PHLPP1: variants seen among roughly 807,000 people sequenced by gnomAD.
PHLPP1 encodes PH domain and leucine rich repeat protein phosphatase 1, also known as PH domain leucine-rich repeat-containing protein phosphatase 1.
In PHLPP1, 42 loss-of-function variants were observed where a neutral mutation model predicts 117.2. The ratio of observed to expected loss-of-function variants is 0.36; its 90% CI spans 0.28 to 0.46. The LOEUF (loss-of-function observed/expected upper bound fraction) is 0.46, where lower values mean the gene tolerates loss of function less well. Among genes scored for constraint, PHLPP1 ranks in the 20% least tolerant of loss-of-function variants. The pLI is 1.00. For synonymous variants in PHLPP1, 1,042 were observed against 970.7 expected (o/e 1.07, Z -1.37); for missense variants, 2,084 against 2,241.9 (o/e 0.93, Z 1.42).
intron 1 of PHLPP1, among the ~76,000 whole-genome samples, chr18:62,737,691 A>C (rs1911409624): frequency 1.3e-5 from 2 of 152,036 alleles, no homozygotes; most frequent in South Asian, 4.2e-4. Flanking sequence ...GGAGGTAATC[A>C]CCTCTGCTGC....
chr18:62,754,793 T>C (rs1911961706), intron 1 of PHLPP1, among the ~76,000 whole-genome samples: 1 of 152,222 alleles, frequency 6.6e-6, no homozygotes, highest in Non-Finnish European at 1.5e-5. Flanking sequence ...GAGGATGTAA[T>C]GTTCACGGCG....
intron 10 of PHLPP1, among the ~76,000 whole-genome samples, chr18:62,931,984 G>A (rs1458638546): frequency 6.6e-6 from 1 of 151,640 alleles, no homozygotes; most frequent in African/African-American, 2.4e-5. Flanking sequence ...AGAGAGTACT[G>A]CAAATATCTC....
At chr18:62,915,602 C>T (rs1162972311) in intron 9 of PHLPP1, among the ~76,000 whole-genome samples, 1 of 152,148 alleles carries the variant, frequency 6.6e-6, no homozygotes, top group Non-Finnish European at 1.5e-5. Context: ...GCGATGACTT[C>T]TATTGTCTGT....
At chr18:62,723,357 T>G (rs1910978169) in intron 1 of PHLPP1, among the ~76,000 whole-genome samples, 1 of 152,256 alleles carries the variant, frequency 6.6e-6, no homozygotes, top group Admixed American at 6.5e-5. Context: ...AGCATTCAGT[T>G]GAAGACTGAT....
intron 1 of PHLPP1, among the ~76,000 whole-genome samples, chr18:62,829,328 T>A (rs1344068771): frequency 6.6e-6 from 1 of 152,258 alleles, no homozygotes; most frequent in African/African-American, 2.4e-5. Context: ...TTATTAAATG[T>A]AAGATGTTGG....
chr18:62,742,529 G>A (rs1242721666), intron 1 of PHLPP1, among the ~76,000 whole-genome samples: 1 of 152,022 alleles, frequency 6.6e-6, no homozygotes, highest in Admixed American at 6.5e-5. Flanking sequence ...TCCGCCTCCC[G>A]GGTTCAAGCG....
intron 1 of PHLPP1, among the ~76,000 whole-genome samples, chr18:62,789,930 T>A (rs545738771): frequency 6.6e-6 from 1 of 152,318 alleles, no homozygotes; most frequent in South Asian, 2.1e-4. Context: ...GATAGGTCAT[T>A]TATCGCAGTT....
At chr18:62,791,053 T>G (rs961705790) in intron 1 of PHLPP1, among the ~76,000 whole-genome samples, 1 of 152,134 alleles carries the variant, frequency 6.6e-6, no homozygotes, top group East Asian at 1.9e-4. Context: ...GGCCGGAGCT[T>G]GGACTTAAAG....
At chr18:62,838,704 G>C (rs920335539) in intron 2 of PHLPP1, 80 bp from the exon 3 acceptor site, 1 of 1,419,130 alleles carries the variant, frequency 7.0e-7, no homozygotes, top group Non-Finnish European at 9.9e-7. Flanking sequence ...CAGGCTCCTT[G>C]ATCAGAGGCA....
At position 62,783,553 on chromosome 18, in the gene PHLPP1, T is replaced by G. The variant is rs1226473449; in HGVS notation, c.1577-46482T>G. 5.3e-5 allele frequency among the ~76,000 whole-genome samples: 8 copies of G among 152,338 alleles called. No homozygotes were observed. In the East Asian group the frequency reaches 1.5e-3, roughly 29 times the overall value. On this transcript the variant is annotated intron_variant, in intron 1 of 16. Coordinates refer to ENST00000262719, the MANE Select transcript of PHLPP1 (RefSeq NM_194449.4). ...CACAAGCCTTTCAATAAATGCTATA[T>G]TGTAATGGTTATTGTAACAAGAAGC...
At chr18:62,964,023 T>C (rs1910838828) in intron 14 of PHLPP1, among the ~76,000 whole-genome samples, 1 of 152,066 alleles carries the variant, frequency 6.6e-6, no homozygotes, top group South Asian at 2.1e-4. Context: ...TTCCCCACCC[T>C]TCCCTCTCTT....
intron 1 of PHLPP1, among the ~76,000 whole-genome samples, chr18:62,814,469 G>C (rs776090708): frequency 2.6e-5 from 4 of 152,206 alleles, no homozygotes; most frequent in Non-Finnish European, 4.4e-5. Context: ...CCCTAGGCAA[G>C]TAATTTAATT....
At position 62,831,381 on chromosome 18, in the gene PHLPP1, A is replaced by G. The variant is rs938451577; in HGVS notation, c.1773+1150A>G. Among the ~76,000 whole-genome samples the G allele has an allele frequency of 2.0e-5, 3 of 149,388 alleles. No individual in the cohort carries two copies. The East Asian group carries it at 5.9e-4, about 29-fold the overall frequency. ...GAGATGGAGTCTTGCTCTGTTTCCC[A>G]GGCTGGAGTGTGGTGGTGCAATCCC... On this transcript the variant is annotated intron_variant, in intron 2 of 16. Transcript: ENST00000262719.
At chr18:62,892,427 A>G (rs943838523) in intron 4 of PHLPP1, among the ~76,000 whole-genome samples, 2 of 151,868 alleles carry the variant, frequency 1.3e-5, no homozygotes, top group African/African-American at 4.8e-5. Flanking sequence ...ATCTTTTAAT[A>G]TCTGGCTGGA....
In PHLPP1 at chr18:62,716,059, C is replaced by T; in HGVS notation, c.376C>T (p.Leu126=). The T allele has an allele frequency of 1.4e-6, 2 of 1,479,062 alleles. No individual in the cohort carries two copies. Among genetic ancestry groups the T allele is most frequent in the Non-Finnish European group, 1.8e-6 (2 of 1,124,164 alleles). 91.6% of individuals were successfully genotyped at this position (1,479,062 alleles called of 1,614,324 possible). ...ANSLLLRRGR[L]KRNLSAAAAA... ...CTCCCTCCTGCTGAGGAGAGGGCGG[C>T]TGAAGAGGAATCTGTCCGCGGCCGC... is the stretch of plus-strand genomic sequence containing the variant. The change falls in exon 1 of 17, where the codon CTG becomes TTG. Residue 126 remains leucine, a synonymous_variant. Transcript: ENST00000262719. This position sits in a 1 kb window ranked among gnomAD's most constrained non-coding sequence, Gnocchi z 5.7.
chr18:62,917,903 G>A (rs961983973), intron 9 of PHLPP1, among the ~76,000 whole-genome samples: 3 of 151,880 alleles, frequency 2.0e-5, no homozygotes, highest in Non-Finnish European at 2.9e-5. Flanking sequence ...TCCAAGTAAG[G>A]TATATAAAGA....
intron 1 of PHLPP1, among the ~76,000 whole-genome samples, chr18:62,799,209 A>C (rs1192303830): frequency 2.0e-5 from 3 of 152,212 alleles, no homozygotes; most frequent in African/African-American, 7.2e-5. Context: ...TATAAAATGG[A>C]CAATGAAAGG....
rs1479159460 is a variant in PHLPP1 at position 62,895,297 on chromosome 18, T to G, written c.2213+140T>G. On this transcript the variant is annotated intron_variant, in intron 5 of 16. Transcript: ENST00000262719. ...CCAAATCAAGAGATCAGGGACTATG[T>G]AGTCCGTATGGAGTTCATATGTTGG... The G allele has an allele frequency of 5.2e-6, 4 of 769,726 alleles. No individual in the cohort carries two copies. In the East Asian group the frequency reaches 1.1e-4, roughly 20 times the overall value. 47.7% of individuals were successfully genotyped at this position (769,726 alleles called of 1,614,324 possible).
At chr18:62,890,469 T>C (rs1916379941) in intron 4 of PHLPP1, among the ~76,000 whole-genome samples, 1 of 152,158 alleles carries the variant, frequency 6.6e-6, no homozygotes, top group Non-Finnish European at 1.5e-5. Context: ...TCTCACCATT[T>C]TGGCCAGGCT....
Sources: gnomAD v4.1 joint callset for allele counts (sites outside exome capture counted in the v4.1 genomes callset) on GRCh38, gnomAD v4.1.1 for gene constraint, Gnocchi (gnomAD v3.1) non-coding constraint, MANE v1.5 for transcripts, NCBI Gene and HGNC (gene_info 2026-07-23, HGNC 2026-07-21) for gene names.